Variants in AGBL4 observed in about 807,000 individuals in gnomAD.
AGBL4 encodes cytosolic carboxypeptidase 6.
In AGBL4, 58 loss-of-function variants were observed where a neutral mutation model predicts 66.4. The ratio of observed to expected loss-of-function variants is 0.87; its 90% confidence interval spans 0.71 to 1.09. The LOEUF is 1.09. Ranked by LOEUF, AGBL4 falls within the 50% of genes least tolerant of loss-of-function variation. The probability of loss-of-function intolerance (pLI) is 0.00; values close to 1 mark genes in which losing one functional copy is unlikely to be tolerated. For synonymous variants in AGBL4, 234 were observed against 222.9 expected (o/e 1.05, Z -0.44); for missense variants, 579 against 631.0 (o/e 0.92, Z 0.88).
At chr1:49,926,090 G>GTTAGA (rs770195979) in intron 1 of AGBL4, among the ~76,000 whole-genome samples, 4 of 152,322 alleles carry the variant, frequency 2.6e-5, no homozygotes, top group South Asian at 2.1e-4. Flanking sequence ...GGCTATGCTG[G>GTTAGA]CTTCAGGTCT....
chr1:49,707,376 T>A (rs1387599257), intron 2 of AGBL4, among the ~76,000 whole-genome samples: 1 of 148,908 alleles, frequency 6.7e-6, no homozygotes, highest in Non-Finnish European at 1.5e-5. Flanking sequence ...GCTTTTTTTT[T>A]TTTTTTTTTT....
chr1:48,922,607 G>A (rs1054771732), intron 5 of AGBL4, among the ~76,000 whole-genome samples: 5 of 152,232 alleles, frequency 3.3e-5, no homozygotes, highest in East Asian at 1.9e-4. Context: ...ACTAGGCACC[G>A]GACTTAGACA....
At chr1:49,948,111 A>AAT (rs1557608438) in intron 1 of AGBL4, among the ~76,000 whole-genome samples, 3 of 83,340 alleles carry the variant, frequency 3.6e-5, no homozygotes, top group African/African-American at 1.4e-4. Context: ...TATATATGTA[A>AAT]ATGTATGTAA....
intron 1 of AGBL4, among the ~76,000 whole-genome samples, chr1:49,908,212 T>C (rs1018012296): frequency 6.6e-6 from 1 of 152,072 alleles, no homozygotes; most frequent in Non-Finnish European, 1.5e-5. Context: ...CTCATCTCTC[T>C]AAGCTTTTTT....
intron 2 of AGBL4, among the ~76,000 whole-genome samples, chr1:49,725,644 G>A (rs1291796828): frequency 6.9e-6 from 1 of 145,940 alleles, no homozygotes; most frequent in Non-Finnish European, 1.5e-5. Flanking sequence ...TAAGGCCTCT[G>A]TTGAAGTCAT....
At chr1:49,608,268 T>TA (rs1246286277) in intron 3 of AGBL4, among the ~76,000 whole-genome samples, 1 of 152,140 alleles carries the variant, frequency 6.6e-6, no homozygotes, top group South Asian at 2.1e-4. Context: ...AAATATTTTT[T>TA]AAAAAAATTC....
At chr1:49,561,997 A>T (rs867971551) in intron 3 of AGBL4, among the ~76,000 whole-genome samples, 18 of 152,006 alleles carry the variant, frequency 1.2e-4, no homozygotes, top group African/African-American at 7.2e-5. Flanking sequence ...AATGACTGCC[A>T]TTCTAACTGG....
At chr1:49,029,130 G>A (rs1237740904) in intron 5 of AGBL4, among the ~76,000 whole-genome samples, 4 of 152,094 alleles carry the variant, frequency 2.6e-5, no homozygotes, top group Admixed American at 2.6e-4. Context: ...AAGACTGGAT[G>A]CTTTACCTCT....
intron 6 of AGBL4, among the ~76,000 whole-genome samples, chr1:48,821,927 G>T (rs1027052511): frequency 1.3e-5 from 2 of 152,260 alleles, no homozygotes; most frequent in East Asian, 1.9e-4. Flanking sequence ...TTTCACAGAA[G>T]AAGATATTTG....
chr1:49,501,841 G>A (rs1251599827), intron 3 of AGBL4, among the ~76,000 whole-genome samples: 2 of 151,894 alleles, frequency 1.3e-5, no homozygotes, highest in Admixed American at 1.3e-4. Flanking sequence ...ATAGTTTAAT[G>A]TCTCTTTTAA....
intron 6 of AGBL4, among the ~76,000 whole-genome samples, chr1:48,779,523 C>A (rs1401991636): frequency 6.6e-6 from 1 of 152,178 alleles, no homozygotes; most frequent in African/African-American, 2.4e-5. Flanking sequence ...CACTTTTTAT[C>A]TTCCCTCACT....
chr1:49,298,501 C>G (rs1451159366), intron 3 of AGBL4, among the ~76,000 whole-genome samples: 2 of 152,134 alleles, frequency 1.3e-5, no homozygotes, highest in African/African-American at 4.8e-5. Flanking sequence ...TACAAGCTGG[C>G]CAGGCTCCAA....
chr1:49,775,766 G>C (rs1039377530), intron 2 of AGBL4, among the ~76,000 whole-genome samples: 1 of 151,838 alleles, frequency 6.6e-6, no homozygotes, highest in Non-Finnish European at 1.5e-5. Flanking sequence ...ATGAATGTGT[G>C]AACAAATGAA....
chr1:49,023,602 A>G (rs934072685), intron 5 of AGBL4, among the ~76,000 whole-genome samples: 2 of 152,174 alleles, frequency 1.3e-5, no homozygotes, highest in African/African-American at 4.8e-5. Context: ...GCACTCTACT[A>G]TATTAACTCT....
At chr1:49,351,701 C>T (rs1427896387) in intron 3 of AGBL4, among the ~76,000 whole-genome samples, 1 of 152,080 alleles carries the variant, frequency 6.6e-6, no homozygotes, top group Non-Finnish European at 1.5e-5. Context: ...TCCCTCTTAT[C>T]CACAGAAGTC....
At chr1:49,326,797 A>G (rs1645237148) in intron 3 of AGBL4, among the ~76,000 whole-genome samples, 1 of 152,204 alleles carries the variant, frequency 6.6e-6, no homozygotes, top group Non-Finnish European at 1.5e-5. Context: ...GACATTTTGT[A>G]TGGTTTCTTA....
chr1:49,313,137 T>G (rs555848342), intron 3 of AGBL4, among the ~76,000 whole-genome samples: 1 of 152,114 alleles, frequency 6.6e-6, no homozygotes, highest in Non-Finnish European at 1.5e-5. Context: ...TGGTTTTCTC[T>G]TCTTGTTTTA....
At chr1:49,398,606 C>T (rs1645021531) in intron 3 of AGBL4, among the ~76,000 whole-genome samples, 5 of 152,124 alleles carry the variant, frequency 3.3e-5, no homozygotes, top group Admixed American at 3.3e-4. Flanking sequence ...CTCAGGAGAA[C>T]ACTGACCAAC....
intron 6 of AGBL4, among the ~76,000 whole-genome samples, chr1:48,750,450 C>T (rs997478752): frequency 2.0e-5 from 3 of 152,154 alleles, no homozygotes; most frequent in African/African-American, 7.2e-5. Context: ...TAACTTGGGG[C>T]CTCCTGCAGC....
Sources: allele counts gnomAD v4.1 joint callset (sites outside exome capture counted in the v4.1 genomes callset), GRCh38; gene constraint gnomAD v4.1.1; transcripts MANE v1.5; gene names NCBI Gene and HGNC (gene_info 2026-07-23, HGNC 2026-07-21).